DBNDD1: variants seen among roughly 807,000 people sequenced by gnomAD.
DBNDD1 encodes the protein dysbindin domain containing 1.
A neutral mutation model predicts 17.0 loss-of-function variants in DBNDD1; 14 were observed. The ratio of observed to expected loss-of-function variants is 0.82; its 90% confidence interval spans 0.54 to 1.29. The LOEUF is 1.29. Ranked by LOEUF, DBNDD1 falls within the 50% of genes most tolerant of loss-of-function variation. DBNDD1 has a pLI of 0.00. For missense variants in DBNDD1, 221 were observed against 216.2 expected (o/e 1.02, Z -0.14); for synonymous variants, 105 against 102.0 (o/e 1.03, Z -0.18).
intron 1 of DBNDD1, among the ~76,000 whole-genome samples, chr16:90,018,018 A>G (rs559438728): frequency 6.6e-6 from 1 of 152,288 alleles, no homozygotes; most frequent in African/African-American, 2.4e-5. Flanking sequence ...AGGAGGGAAA[A>G]CATATTAACC....
In DBNDD1 at chr16:90,019,428, C is replaced by T. The variant is rs1476605096; in HGVS notation, c.-87G>A. 25 of 810,782 alleles carry T rather than the reference C, an allele frequency of 3.1e-5. No homozygotes were observed. Among genetic ancestry groups the T allele is most frequent in the Admixed American group, 5.0e-5 (1 of 19,938 alleles). 50.2% of individuals were successfully genotyped at this position (810,782 alleles called of 1,614,324 possible). A position where few individuals can be genotyped will look rare whatever the true frequency, so the allele number is the denominator to read the frequency against. ...AACAGCTGCGGCAGCGACTCGGCCC[C>T]GGCTCCGGGCGCAGCGCATCGGGGC... On this transcript the variant is annotated 5_prime_UTR_variant, in exon 1 of 4. Coordinates refer to ENST00000002501, the MANE Select transcript of DBNDD1 (RefSeq NM_001042610.3). This position sits in a 1 kb window ranked among gnomAD's most constrained non-coding sequence, Gnocchi z 6.1.
intron 1 of DBNDD1, among the ~76,000 whole-genome samples, chr16:90,010,764 C>A (rs979325412): frequency 6.6e-6 from 1 of 152,218 alleles, no homozygotes; most frequent in Non-Finnish European, 1.5e-5. Flanking sequence ...CCCTCCTCAG[C>A]TGCTCACCCT....
At chr16:90,006,687 T>C in intron 3 of DBNDD1, 195 bp from the exon 4 acceptor site, 1 of 724,878 alleles carries the variant, frequency 1.4e-6, no homozygotes, top group Non-Finnish European at 2.2e-6. Context: ...GTGGATGTTG[T>C]GGTCTGGGTG....
At chr16:90,010,897 G>T (rs186422208) in intron 1 of DBNDD1, among the ~76,000 whole-genome samples, 4 of 152,320 alleles carry the variant, frequency 2.6e-5, no homozygotes, top group Non-Finnish European at 4.4e-5. Context: ...GGCCCTGTGG[G>T]TCTATCTCTC....
chr16:90,009,417 C>T lies in DBNDD1; in HGVS notation c.45G>A (p.Glu15=), dbSNP rs771803026. 1 of 1,611,830 alleles carries T rather than the reference C, an allele frequency of 6.2e-7. No homozygotes were observed. Among genetic ancestry groups the T allele is most frequent in the South Asian group, 1.1e-5 (1 of 91,088 alleles). ...CCAGCGCAGCCTGCGGCACCTCAGCCTCCTTAACGATCTCTGCATCCAAAG... is the reference window on the plus strand; with the variant it reads ...CCAGCGCAGCCTGCGGCACCTCAGCTTCCTTAACGATCTCTGCATCCAAAG... The part of the protein sequence containing the change: ...EGAGTGEIVK[E]AEVPQAALGV... Residue 15 remains glutamate, a synonymous_variant, in exon 2 of 4, where the codon GAG becomes GAA. Coordinates refer to ENST00000002501, the MANE Select transcript of DBNDD1 (RefSeq NM_001042610.3).
chr16:90,015,870 G>A (rs936510804), intron 1 of DBNDD1, among the ~76,000 whole-genome samples: 28 of 152,076 alleles, frequency 1.8e-4, no homozygotes, highest in African/African-American at 6.0e-4. Context: ...AGGGGAGAAC[G>A]GGTATGGGTT....
chr16:90,019,819 G>A, upstream of DBNDD1: 1 of 687,992 alleles, frequency 1.5e-6, no homozygotes, highest in Admixed American at 2.2e-5. This position sits in a 1 kb window ranked among gnomAD's most constrained non-coding sequence, Gnocchi z 6.1. Flanking sequence ...CGGGGCTGGC[G>A]AGGGGCACAG....
intron 1 of DBNDD1, among the ~76,000 whole-genome samples, chr16:90,014,229 G>T (rs11859460): frequency 0.24 from 36,915 of 151,818 alleles, 6,599 homozygotes; most frequent in African/African-American, 0.51. Flanking sequence ...TGGGTTCAAG[G>T]GATCCTCTTG....
chr16:90,009,264 G>A lies in DBNDD1; in HGVS notation c.178+20C>T, dbSNP rs1172908080. The A allele has an allele frequency of 6.2e-7, 1 of 1,611,754 alleles. No homozygotes were observed. The highest frequency in any genetic ancestry group is 1.3e-5 in the African/African-American group (1 of 74,902). ...TCACGGGGTCCCCATAGCGTGCGCT[G>A]GGCAGGGAGCAGTACTTACGCCTCC... is the stretch of plus-strand genomic sequence containing the variant. On this transcript the variant is annotated intron_variant, in intron 2 of 3. Transcript: ENST00000002501.
chr16:90,017,133 T>G (rs1597585295), intron 1 of DBNDD1, among the ~76,000 whole-genome samples: 1 of 152,266 alleles, frequency 6.6e-6, no homozygotes, highest in Non-Finnish European at 1.5e-5. Context: ...CTCCGTGTTC[T>G]GTACATTTCA....
rs1491001040 is a variant in DBNDD1, at chr16:90,019,226, C to T, written c.31+85G>A. ...GGGTCTTCGCGACTCCCGGGAGCGGCGAAGGGTGAGCCCTGGGGGGAGGGG... is the reference window on the plus strand; with the variant it reads ...GGGTCTTCGCGACTCCCGGGAGCGGTGAAGGGTGAGCCCTGGGGGGAGGGG... On this transcript the variant is annotated intron_variant, in intron 1 of 3. Transcript: ENST00000002501. This position sits in a 1 kb window ranked among gnomAD's most constrained non-coding sequence, Gnocchi z 6.1. 4 of 690,264 alleles carry T rather than the reference C, an allele frequency of 5.8e-6. No individual in the cohort carries two copies. The highest frequency in any genetic ancestry group is 1.9e-5 in the African/African-American group (1 of 53,258). 42.8% of individuals were successfully genotyped at this position (690,264 alleles called of 1,614,324 possible).
At chr16:90,007,580 A>C (rs1425023472) in intron 3 of DBNDD1, 1 of 152,298 alleles carries the variant, frequency 6.6e-6, no homozygotes, top group Non-Finnish European at 1.5e-5. Context: ...AGCTGCCTTC[A>C]GGCCAATGGC....
At chr16:90,012,312 G>C (rs1451483045) in intron 1 of DBNDD1, among the ~76,000 whole-genome samples, 1 of 152,158 alleles carries the variant, frequency 6.6e-6, no homozygotes, top group Non-Finnish European at 1.5e-5. Flanking sequence ...GAAGGCTACA[G>C]GGGCTCTTAC....
chr16:90,011,253 G>C (rs4461072), intron 1 of DBNDD1, among the ~76,000 whole-genome samples: 120,114 of 152,212 alleles, frequency 0.79, 48,115 homozygotes, highest in Non-Finnish European at 0.85. Context: ...AGCGCCAGCA[G>C]CTGCCTGTGA....
chr16:90,006,138 C>T lies in DBNDD1; in HGVS notation c.*197G>A. On this transcript the variant is annotated 3_prime_UTR_variant, in exon 4 of 4. Coordinates refer to ENST00000002501, the MANE Select transcript of DBNDD1 (RefSeq NM_001042610.3). ...TCCCCCAGGAAAGCCGGCTGGTCTC[C>T]AAGTGAGGCGAAGACCCGTGCCCAG... is the stretch of plus-strand genomic sequence containing the variant. 2 of 797,644 alleles carry T rather than the reference C, an allele frequency of 2.5e-6. No individual in the cohort carries two copies. The highest frequency in any genetic ancestry group is 3.0e-5 in the Admixed American group (1 of 33,582). 49.4% of individuals were successfully genotyped at this position (797,644 alleles called of 1,614,324 possible). A position where few individuals can be genotyped will look rare whatever the true frequency, so the allele number is the denominator to read the frequency against.
intron 1 of DBNDD1, among the ~76,000 whole-genome samples, chr16:90,014,904 C>T (rs980551417): frequency 1.2e-4 from 18 of 151,262 alleles, no homozygotes; most frequent in African/African-American, 4.1e-4. Flanking sequence ...ACTCAGGAGG[C>T]TGAGGCAGGA....
chr16:90,012,774 A>G (rs920104333), intron 1 of DBNDD1, among the ~76,000 whole-genome samples: 1 of 147,774 alleles, frequency 6.8e-6, no homozygotes, highest in Non-Finnish European at 1.5e-5. Context: ...CTCTCAAGAG[A>G]CAAGGTCTCA....
intron 1 of DBNDD1, among the ~76,000 whole-genome samples, chr16:90,012,005 T>C (rs1405668757): frequency 6.6e-6 from 1 of 152,232 alleles, no homozygotes; most frequent in Non-Finnish European, 1.5e-5. Flanking sequence ...CACAGTGTGT[T>C]CATGTCCTGC....
At chr16:90,018,991 C>G (rs2035707891) in intron 1 of DBNDD1, among the ~76,000 whole-genome samples, 2 of 152,234 alleles carry the variant, frequency 1.3e-5, no homozygotes, top group African/African-American at 4.8e-5. Flanking sequence ...CCCCCCTCCC[C>G]CGCTCCCCGG....
Sources: gnomAD v4.1 joint callset for allele counts (sites outside exome capture counted in the v4.1 genomes callset) on GRCh38, gnomAD v4.1.1 for gene constraint, Gnocchi (gnomAD v3.1) non-coding constraint, MANE v1.5 for transcripts, NCBI Gene and HGNC (gene_info 2026-07-23, HGNC 2026-07-21) for gene names.